WDR11: variants seen among roughly 807,000 people sequenced by gnomAD.
WDR11 encodes WD repeat domain 11.
In WDR11, 83 loss-of-function variants were observed where a neutral mutation model predicts 151.2. The observed-to-expected ratio is 0.55, with a 90% CI of 0.46 to 0.66. WDR11 has a LOEUF of 0.66. WDR11 is among the 30% of genes least tolerant of loss of function. The probability of loss-of-function intolerance (pLI) is 0.00; values close to 1 mark genes in which losing one functional copy is unlikely to be tolerated. For missense variants in WDR11, 1,301 were observed against 1,480.9 expected (o/e 0.88, Z 1.99); for synonymous variants, 484 against 533.1 (o/e 0.91, Z 1.27).
At chr10:120,866,901 T>C in intron 8 of WDR11, 137 bp downstream of exon 8, 3 of 1,123,274 alleles carry the variant, frequency 2.7e-6, no homozygotes, top group Admixed American at 2.3e-5. Flanking sequence ...CTTTAGATTA[T>C]TAGGGAATTA....
chr10:120,876,054 C>T (rs1396089899), intron 11 of WDR11, among the ~76,000 whole-genome samples: 1 of 147,480 alleles, frequency 6.8e-6, no homozygotes, highest in African/African-American at 2.5e-5. Flanking sequence ...TCTTAGCTCA[C>T]TGCAACCTCT....
chr10:120,861,009 G>A lies in WDR11; in HGVS notation c.526+727G>A, dbSNP rs1228941890. Among the ~76,000 whole-genome samples, 5 of 152,196 alleles carry A rather than the reference G, an allele frequency of 3.3e-5. No homozygotes were observed. In the East Asian group the frequency reaches 7.7e-4, roughly 23 times the overall value. On this transcript the variant is annotated intron_variant, in intron 4 of 28. Transcript: ENST00000263461. ...CCACAATGAATTAATAAATTCTAGTGTAGTAAGAGGTGACAGGTGATATAA... is the reference window on the plus strand; with the variant it reads ...CCACAATGAATTAATAAATTCTAGTATAGTAAGAGGTGACAGGTGATATAA...
Position 120,883,901 on chromosome 10 carries a change from T to G in WDR11, c.1848+13T>G, listed in dbSNP as rs1564709953. The G allele has an allele frequency of 1.1e-5, 18 of 1,595,794 alleles. No individual in the cohort carries two copies. Among genetic ancestry groups the G allele is most frequent in the Non-Finnish European group, 1.5e-5 (18 of 1,163,982 alleles). On this transcript the variant is annotated intron_variant, in intron 14 of 28. Transcript: ENST00000263461. ...AATAACTGCTTTGGTAAGTTACAAT[T>G]TAAGAATTTAATAGCTTATTTAGGT...
At chr10:120,855,467 G>C (rs1347936378) in intron 2 of WDR11, among the ~76,000 whole-genome samples, 2 of 151,732 alleles carry the variant, frequency 1.3e-5, no homozygotes, top group Non-Finnish European at 1.5e-5. Context: ...TTACTTTCTT[G>C]GTGGTGTCTT....
rs1164852348 is a variant in WDR11, at chr10:120,906,301, T to C, written c.3437+280T>C. ...AAGTCTTCAGAGAATTGGGGTCCAT[T>C]CAGCTTTGACTAGAGCAACTGAGAG... On this transcript the variant is annotated intron_variant, in intron 27 of 28. Transcript: ENST00000263461. 2.3e-6 allele frequency: 3 copies of C among 1,311,280 alleles called. No individual in the cohort carries two copies. In the East Asian group the frequency reaches 1.1e-4, roughly 49 times the overall value. The allele number at this position is 1,311,280 out of a possible 1,614,324, so 81.2% of individuals were successfully genotyped here.
chr10:120,880,713 G>C, intron 12 of WDR11, 113 bp from the exon 13 acceptor site: 1 of 909,162 alleles, frequency 1.1e-6, no homozygotes, highest in South Asian at 1.5e-5. Context: ...AGAATGAATA[G>C]GAGAACAGAG....
Position 120,897,667 on chromosome 10 carries a change from T to C in WDR11, c.2516-2362T>C, listed in dbSNP as rs186890891. ...TCTCCACAGCAGCTGACCAGGACTC[T>C]TCAAAAATGAAAAGGTCACATAAGG... On this transcript the variant is annotated intron_variant, in intron 19 of 28. Coordinates refer to ENST00000263461, the MANE Select transcript of WDR11 (RefSeq NM_018117.12). Among the ~76,000 whole-genome samples the C allele has an allele frequency of 2.4e-3, 367 of 152,258 alleles. 2 individuals are homozygous for C. The highest frequency in any genetic ancestry group is 8.5e-3 in the African/African-American group (353 of 41,550).
intron 2 of WDR11, among the ~76,000 whole-genome samples, chr10:120,853,670 T>A (rs1845856652): frequency 6.6e-6 from 1 of 152,146 alleles, no homozygotes; most frequent in Non-Finnish European, 1.5e-5. Context: ...CTGGAGGCAG[T>A]AAGATCATTT....
intron 9 of WDR11, 97 bp downstream of exon 9, chr10:120,867,266 G>A (rs1846349901): frequency 1.1e-6 from 1 of 886,870 alleles, no homozygotes; most frequent in African/African-American, 1.7e-5. Context: ...AGTCAAAAAA[G>A]TTAATACTTG....
rs758845626 is a variant in WDR11 at position 120,905,897 on chromosome 10, T to C, written c.3313T>C (p.Cys1105Arg). The change falls in exon 27 of 29, where the codon TGT becomes CGT. Residue 1105 changes from cysteine (C) to arginine (R), a missense_variant. Around this residue, in one of 3 missense-constraint regions of WDR11, gnomAD observed 589 missense variants for 670.6 expected, o/e 0.88. Coordinates refer to ENST00000263461, the MANE Select transcript of WDR11 (RefSeq NM_018117.12). Reference sequence around the variant, plus strand: ...TCAGGTCCGTTTGAATCCTGAGGAGTGTGCCGATGTTTTAAGGCGGTGGGT... The same window carrying C: ...TCAGGTCCGTTTGAATCCTGAGGAGCGTGCCGATGTTTTAAGGCGGTGGGT... ...LAKVRLNPEE[C>R]ADVLRRWVDH... 6.2e-7 allele frequency: 1 copy of C among 1,614,052 alleles called. No individual in the cohort carries two copies. The highest frequency in any genetic ancestry group is 8.5e-7 in the Non-Finnish European group (1 of 1,180,014).
At chr10:120,867,346 G>A (rs1190787414) in intron 9 of WDR11, among the ~76,000 whole-genome samples, 177 bp downstream of exon 9, 1 of 152,218 alleles carries the variant, frequency 6.6e-6, no homozygotes, top group East Asian at 1.9e-4. Flanking sequence ...AGGTAGAAAA[G>A]TGCCTGAAGT....
intron 10 of WDR11, among the ~76,000 whole-genome samples, chr10:120,872,384 A>G (rs776220538): frequency 2.6e-5 from 4 of 152,198 alleles, no homozygotes; most frequent in Admixed American, 6.5e-5. Context: ...TCATATGTGC[A>G]TGTATGTATT....
At chr10:120,881,354 A>G (rs934594908) in intron 13 of WDR11, among the ~76,000 whole-genome samples, 8 of 152,186 alleles carry the variant, frequency 5.3e-5, no homozygotes, top group African/African-American at 1.9e-4. Context: ...GTAGTTTTCA[A>G]ACTTGTTTTG....
At chr10:120,887,874 T>C (rs1338857256) in intron 16 of WDR11, among the ~76,000 whole-genome samples, 7 of 152,222 alleles carry the variant, frequency 4.6e-5, no homozygotes, top group Admixed American at 4.6e-4. Context: ...ATTTTATGGC[T>C]AGGAAAGTAG....
intron 19 of WDR11, 93 bp from the exon 20 acceptor site, chr10:120,899,936 C>G: frequency 9.7e-7 from 1 of 1,030,200 alleles, no homozygotes; most frequent in Non-Finnish European, 1.5e-6. Context: ...ACCTGTTGCT[C>G]TCTGCTGACT....
chr10:120,873,663 A>G (rs1354498818), intron 10 of WDR11, among the ~76,000 whole-genome samples, 176 bp from the exon 11 acceptor site: 2 of 152,158 alleles, frequency 1.3e-5, no homozygotes, highest in African/African-American at 4.8e-5. Flanking sequence ...TTTTTTTTAT[A>G]AGGAAGTGGA....
rs7903308 is a variant in WDR11 at position 120,852,775 on chromosome 10, T to C, written c.198+140T>C. 277 of 704,350 alleles carry C rather than the reference T, an allele frequency of 3.9e-4. 1 individual carries two copies. The African/African-American group carries it at 4.6e-3, about 12-fold the overall frequency. The allele number at this position is 704,350 out of a possible 1,614,324, so 43.6% of individuals were successfully genotyped here. A position where few individuals can be genotyped will look rare whatever the true frequency, so the allele number is the denominator to read the frequency against. ...ACAACCTATTTGGGGTAGCCTAGAA[T>C]TTTCATATATATGACTTAATGTCAA... is the stretch of plus-strand genomic sequence containing the variant. On this transcript the variant is annotated intron_variant, in intron 2 of 28. Coordinates refer to ENST00000263461, the MANE Select transcript of WDR11 (RefSeq NM_018117.12).
At chr10:120,889,389 C>T in intron 17 of WDR11, 1 of 519,604 alleles carries the variant, frequency 1.9e-6, no homozygotes, top group Admixed American at 3.2e-5. Context: ...AGGCACCCAC[C>T]ACCACGCCCG....
intron 19 of WDR11, among the ~76,000 whole-genome samples, chr10:120,891,709 G>A (rs1375680084): frequency 6.6e-6 from 1 of 152,212 alleles, no homozygotes. Flanking sequence ...TTCAGACACA[G>A]TAAGGTTTTA....
Sources: gnomAD v4.1 joint callset for allele counts (sites outside exome capture counted in the v4.1 genomes callset) on GRCh38, gnomAD v4.1.1 for gene constraint, gnomAD v4.1.1 regional missense constraint, MANE v1.5 for transcripts, NCBI Gene and HGNC (gene_info 2026-07-23, HGNC 2026-07-21) for gene names.